The following DYSF variants were observed in gnomAD, a reference collection of about 807,000 sequenced individuals.
DYSF encodes the protein dysferlin.
In DYSF, 212 loss-of-function variants were observed where a neutral mutation model predicts 274.9. That is an observed-to-expected ratio of 0.77 (90% CI 0.69 to 0.86). The LOEUF (loss-of-function observed/expected upper bound fraction) is 0.86. Ranked by LOEUF, DYSF falls within the 40% of genes least tolerant of loss-of-function variation. The probability of loss-of-function intolerance (pLI) is 0.00; values close to 1 mark genes in which losing one functional copy is unlikely to be tolerated. For missense variants in DYSF, 2,666 were observed against 2,783.2 expected (o/e 0.96, Z 0.95); for synonymous variants, 1,091 against 1,078.7 (o/e 1.01, Z -0.22).
chr2:71,491,075 G>T (rs1182502586), intron 3 of DYSF, among the ~76,000 whole-genome samples: 3 of 152,060 alleles, frequency 2.0e-5, no homozygotes, highest in Middle Eastern at 3.2e-3. Context: ...CACCAACAAT[G>T]CAATAAAGTG....
At chr2:71,526,421 C>CTGGGGGGGGGGGGGGGGGGTTTGGGG in intron 13 of DYSF, 75 bp downstream of exon 13, 1 of 272,074 alleles carries the variant, frequency 3.7e-6, no homozygotes, top group East Asian at 9.7e-5. Flanking sequence ...TGGGCGATGG[C>CTGGGGGGGGGGGGGGGGGGTTTGGGG]GGGCGGGGTC....
At chr2:71,629,748 TA>T (rs1221435597) in intron 41 of DYSF, among the ~76,000 whole-genome samples, 1 of 152,360 alleles carries the variant, frequency 6.6e-6, no homozygotes, top group Middle Eastern at 3.4e-3. Context: ...GCCATGCATT[TA>T]AAATGGATTT....
At chr2:71,570,902 C>A (rs147123047) in intron 29 of DYSF, 161 bp downstream of exon 29, 121 of 997,350 alleles carry the variant, frequency 1.2e-4, no homozygotes, top group African/African-American at 4.5e-4. Flanking sequence ...CCCAGCATAC[C>A]CAAAGATCAC....
At chr2:71,550,299 A>T (rs2090837259) in intron 17 of DYSF, among the ~76,000 whole-genome samples, 1 of 152,246 alleles carries the variant, frequency 6.6e-6, no homozygotes, top group Non-Finnish European at 1.5e-5. Flanking sequence ...ATGTTAGTAA[A>T]AGAGAGCCTC....
intron 40 of DYSF, 135 bp from the exon 41 acceptor site, chr2:71,620,412 A>G (rs961262698): frequency 7.4e-5 from 70 of 943,002 alleles, no homozygotes; most frequent in Non-Finnish European, 7.9e-5. Flanking sequence ...GGCTTGTCCA[A>G]CTCCAAAGCA....
chr2:71,516,146 C>A, intron 8 of DYSF, 34 bp from the exon 9 acceptor site: 1 of 1,603,454 alleles, frequency 6.2e-7, no homozygotes, highest in Non-Finnish European at 8.5e-7. Context: ...GATCAGCAGG[C>A]ACTGATATGT....
chr2:71,482,088 C>A (rs531554875), intron 3 of DYSF, 118 bp downstream of exon 3: 3 of 793,506 alleles, frequency 3.8e-6, no homozygotes, highest in Non-Finnish European at 6.3e-6. Flanking sequence ...ATTTATCCAC[C>A]TCCTCCCATG....
upstream of DYSF, among the ~76,000 whole-genome samples, chr2:71,462,153 C>T (rs576138772): frequency 9.2e-5 from 14 of 152,348 alleles, no homozygotes; most frequent in East Asian, 9.7e-4. Context: ...CCTGATCCCA[C>T]GCCTGCGAAG....
chr2:71,523,541 AT>A (rs2087530837), intron 12 of DYSF, among the ~76,000 whole-genome samples: 3 of 121,266 alleles, frequency 2.5e-5, no homozygotes, highest in Admixed American at 9.2e-5. Flanking sequence ...ATCACCAGTC[AT>A]CTTTTTTTTT....
chr2:71,503,683 C>A (rs766419265), intron 4 of DYSF, among the ~76,000 whole-genome samples: 10 of 152,182 alleles, frequency 6.6e-5, no homozygotes, highest in Non-Finnish European at 1.3e-4. Context: ...CACCATCCAG[C>A]CCTCTTCTCC....
chr2:71,618,936 G>A (rs2094020866), intron 40 of DYSF, among the ~76,000 whole-genome samples: 1 of 150,750 alleles, frequency 6.6e-6, no homozygotes, highest in African/African-American at 2.5e-5. Flanking sequence ...CGCTGGGGCT[G>A]GGGCTAATTT....
chr2:71,500,050 G>A (rs1439265520), intron 3 of DYSF, among the ~76,000 whole-genome samples: 3 of 152,188 alleles, frequency 2.0e-5, no homozygotes, highest in East Asian at 3.9e-4. Flanking sequence ...GAGGGCACCT[G>A]GCCCTGGAGC....
intron 41 of DYSF, among the ~76,000 whole-genome samples, chr2:71,626,337 A>C (rs536583708): frequency 2.6e-5 from 4 of 151,618 alleles, no homozygotes; most frequent in Admixed American, 6.6e-5. Flanking sequence ...GTTAAATTTT[A>C]TTGAATGTTT....
chr2:71,587,126 G>A (rs1037604144), intron 30 of DYSF, among the ~76,000 whole-genome samples: 15 of 152,188 alleles, frequency 9.9e-5, no homozygotes, highest in Admixed American at 9.2e-4. Flanking sequence ...GGTTTGCTTT[G>A]CGTTTGGTGT....
chr2:71,578,197 A>C (rs1225514710), intron 30 of DYSF, among the ~76,000 whole-genome samples: 2 of 152,142 alleles, frequency 1.3e-5, no homozygotes, highest in African/African-American at 4.8e-5. Flanking sequence ...AAGCCTCCAC[A>C]TGATGCTGAT....
At chr2:71,461,768 T>C (rs114693811), upstream of DYSF, among the ~76,000 whole-genome samples, 3,796 of 152,254 alleles carry the variant, frequency 0.025, 168 homozygotes, top group African/African-American at 0.087. Context: ...GGCACACAGA[T>C]GGTACCAAAG....
intron 42 of DYSF, among the ~76,000 whole-genome samples, chr2:71,648,818 C>T (rs1294334776): frequency 2.0e-5 from 3 of 152,144 alleles, no homozygotes; most frequent in African/African-American, 7.2e-5. Flanking sequence ...TTTTTCGTAA[C>T]AGCATTCCAT....
At position 71,643,945 on chromosome 2, in the gene DYSF, C is replaced by G; in HGVS notation, c.4528-20C>G. On this transcript the variant is annotated intron_variant, in intron 41 of 55. Coordinates refer to ENST00000410020, the MANE Select transcript of DYSF (RefSeq NM_001130987.2). ...GCGAGTCCTGTTTCTGAAATGGTCTCTTTCTTTCTACCCACTCAGGAGGAA... is the reference window on the plus strand; with the variant it reads ...GCGAGTCCTGTTTCTGAAATGGTCTGTTTCTTTCTACCCACTCAGGAGGAA... The G allele has an allele frequency of 6.3e-7, 1 of 1,589,486 alleles. No homozygotes were observed. Among genetic ancestry groups the G allele is most frequent in the Non-Finnish European group, 8.6e-7 (1 of 1,163,216 alleles).
In DYSF at chr2:71,569,985, G is replaced by A. The variant is rs549853305; in HGVS notation, c.2979+51G>A. 858 of 1,517,604 alleles carry A rather than the reference G, an allele frequency of 5.7e-4. 6 individuals are homozygous for A. The South Asian group carries it at 9.1e-3, about 16-fold the overall frequency. The allele number at this position is 1,517,604 out of a possible 1,614,324, so 94.0% of individuals were successfully genotyped here. The stretch of plus-strand genomic sequence containing the variant: ...GGGGTCTAGACATTTGGTCTCTGGA[G>A]GCACCTGGTGCTCAGGGACAGGTGG... On this transcript the variant is annotated intron_variant, in intron 27 of 55. Coordinates refer to ENST00000410020, the MANE Select transcript of DYSF (RefSeq NM_001130987.2).
Sources: gnomAD v4.1 joint callset for allele counts (sites outside exome capture counted in the v4.1 genomes callset) on GRCh38, gnomAD v4.1.1 for gene constraint, MANE v1.5 for transcripts, NCBI Gene and HGNC (gene_info 2026-07-23, HGNC 2026-07-21) for gene names.